Variants in NRXN3 observed in about 807,000 individuals in gnomAD.
NRXN3 encodes neurexin III.
A neutral mutation model predicts 137.6 loss-of-function variants in NRXN3; 32 were observed. That is an observed-to-expected ratio of 0.23 (90% confidence interval 0.18 to 0.31). The LOEUF is 0.31. Ranked by LOEUF, NRXN3 falls within the 10% of genes least tolerant of loss-of-function variation. The pLI, the probability that NRXN3 is intolerant of heterozygous loss-of-function variation, is 1.00. For missense variants in NRXN3, 1,574 were observed against 2,062.5 expected, an observed-to-expected ratio of 0.76 and a Z score of 4.59; for synonymous variants, 798 against 784.5, an observed-to-expected ratio of 1.02 and a Z score of -0.29.
chr14:78,180,772 A>G (rs560502521), intron 1 of NRXN3, among the ~76,000 whole-genome samples: 8 of 152,270 alleles, frequency 5.3e-5, no homozygotes, highest in Non-Finnish European at 7.4e-5. Context: ...TGTGGACTCT[A>G]TCATCCCTTC....
rs549458415 is a variant in NRXN3 at position 78,631,494 on chromosome 14, G to A, written c.758-13626G>A. Among the ~76,000 whole-genome samples, 8 of 152,194 alleles carry A rather than the reference G, an allele frequency of 5.3e-5. No individual in the cohort carries two copies. In the South Asian group the frequency reaches 8.3e-4, roughly 16 times the overall value. On this transcript the variant is annotated intron_variant, in intron 4 of 20. Transcript: ENST00000335750. The stretch of plus-strand genomic sequence containing the variant: ...AAAAAATCATTGATAAATCATATCC[G>A]GTATTTCTGAAGAGGTTTAGAATTT...
intron 4 of NRXN3, among the ~76,000 whole-genome samples, chr14:78,495,570 T>C (rs1055690605): frequency 1.3e-5 from 2 of 152,174 alleles, no homozygotes; most frequent in Non-Finnish European, 2.9e-5. Flanking sequence ...ACTACACATC[T>C]TAGACTTTCC....
intron 4 of NRXN3, among the ~76,000 whole-genome samples, chr14:78,438,643 G>T (rs2094146325): frequency 6.6e-6 from 1 of 152,110 alleles, no homozygotes; most frequent in Admixed American, 6.6e-5. Flanking sequence ...AGCCTACTGG[G>T]TCTGACCCTA....
chr14:79,503,246 G>A (rs897088936), intron 16 of NRXN3, among the ~76,000 whole-genome samples: 5 of 152,014 alleles, frequency 3.3e-5, no homozygotes, highest in African/African-American at 1.2e-4. Context: ...GAAGGGAGAC[G>A]AGTTTCCAAA....
chr14:79,599,993 T>G (rs2097905306), intron 16 of NRXN3, among the ~76,000 whole-genome samples: 1 of 152,178 alleles, frequency 6.6e-6, no homozygotes, highest in South Asian at 2.1e-4. Flanking sequence ...AGAATCTGTC[T>G]CAAAAAATTA....
intron 4 of NRXN3, among the ~76,000 whole-genome samples, chr14:78,570,972 AG>A (rs1394343176): frequency 1.3e-5 from 2 of 152,144 alleles, no homozygotes; most frequent in African/African-American, 4.8e-5. Flanking sequence ...TGATGGTGGC[AG>A]GGGTGGGGAC....
chr14:79,215,559 A>G (rs914542903), intron 15 of NRXN3, among the ~76,000 whole-genome samples: 2 of 152,202 alleles, frequency 1.3e-5, no homozygotes, highest in Admixed American at 1.3e-4. Flanking sequence ...ATGGCAGCAG[A>G]CAAGAGAATG....
intron 4 of NRXN3, among the ~76,000 whole-genome samples, chr14:78,491,622 C>G (rs965319926): frequency 1.3e-5 from 2 of 152,144 alleles, no homozygotes; most frequent in African/African-American, 2.4e-5. Flanking sequence ...AACGGAATAT[C>G]TGGCAGATAT....
At chr14:78,640,082 A>G (rs942148332) in intron 4 of NRXN3, among the ~76,000 whole-genome samples, 2 of 152,076 alleles carry the variant, frequency 1.3e-5, no homozygotes, top group Non-Finnish European at 2.9e-5. Context: ...CAATGATTGC[A>G]TTTGGATCTT....
Position 78,268,440 on chromosome 14 carries a change from A to G in NRXN3, c.710-10205A>G, listed in dbSNP as rs569166039. 2.0e-5 allele frequency among the ~76,000 whole-genome samples: 3 copies of G among 152,314 alleles called. No homozygotes were observed. The South Asian group carries it at 6.2e-4, about 32-fold the overall frequency. On this transcript the variant is annotated intron_variant, in intron 2 of 20. Coordinates refer to ENST00000335750, the MANE Select transcript of NRXN3 (RefSeq NM_001330195.2). ...CGCAGCATTGGACGTTGTACATACAACAATGCACATTATACTCTAAAATAC... is the reference window on the plus strand; with the variant it reads ...CGCAGCATTGGACGTTGTACATACAGCAATGCACATTATACTCTAAAATAC...
chr14:78,887,975 G>A (rs183423786), intron 10 of NRXN3, among the ~76,000 whole-genome samples: 82 of 152,196 alleles, frequency 5.4e-4, no homozygotes, highest in African/African-American at 1.6e-3. Context: ...CCTCTGGGCC[G>A]TCTTTATTTA....
intron 15 of NRXN3, among the ~76,000 whole-genome samples, chr14:79,257,141 T>G (rs899924652): frequency 2.6e-4 from 40 of 152,010 alleles, no homozygotes; most frequent in Non-Finnish European, 1.0e-4. Flanking sequence ...TAAGAGTGTA[T>G]TGCTTAAACC....
At chr14:78,755,949 T>G (rs1305506086) in intron 8 of NRXN3, among the ~76,000 whole-genome samples, 2 of 152,178 alleles carry the variant, frequency 1.3e-5, no homozygotes, top group African/African-American at 4.8e-5. Context: ...ATAATCAAAT[T>G]AGTACCAAAT....
chr14:79,122,652 G>A (rs2055656228), intron 15 of NRXN3, among the ~76,000 whole-genome samples: 1 of 151,944 alleles, frequency 6.6e-6, no homozygotes, highest in African/African-American at 2.4e-5. Flanking sequence ...GGAATATGTA[G>A]TGATTAGGTT....
At chr14:79,124,650 C>T (rs1489605330) in intron 15 of NRXN3, among the ~76,000 whole-genome samples, 1 of 152,126 alleles carries the variant, frequency 6.6e-6, no homozygotes, top group African/African-American at 2.4e-5. Flanking sequence ...AGTGGGACTT[C>T]CCCAGGCAAA....
intron 16 of NRXN3, among the ~76,000 whole-genome samples, chr14:79,654,330 TA>T (rs879462904): frequency 3.9e-4 from 57 of 144,822 alleles, no homozygotes; most frequent in South Asian, 1.3e-3. Context: ...AAATTAAACT[TA>T]AAAAAAAAAA....
At chr14:79,662,468 G>A (rs909186060) in intron 16 of NRXN3, among the ~76,000 whole-genome samples, 4 of 152,082 alleles carry the variant, frequency 2.6e-5, no homozygotes, top group Non-Finnish European at 5.9e-5. Flanking sequence ...AGTTTTAATA[G>A]CATTATTATG....
chr14:78,473,636 TA>T (rs2153731712), intron 4 of NRXN3, among the ~76,000 whole-genome samples: 1 of 152,310 alleles, frequency 6.6e-6, no homozygotes, highest in Admixed American at 6.5e-5. Context: ...AATAAACATT[TA>T]TTGTTAATAC....
At chr14:79,504,587 G>A (rs1340274653) in intron 16 of NRXN3, among the ~76,000 whole-genome samples, 1 of 143,892 alleles carries the variant, frequency 6.9e-6, no homozygotes, top group African/African-American at 2.6e-5. Context: ...TTTTTATAGT[G>A]TCCATAGATA....
Sources: gnomAD v4.1 joint callset for allele counts (sites outside exome capture counted in the v4.1 genomes callset) on GRCh38, gnomAD v4.1.1 for gene constraint, MANE v1.5 for transcripts, NCBI Gene and HGNC (gene_info 2026-07-23, HGNC 2026-07-21) for gene names.